Variants in MAP2K6 observed in about 807,000 individuals in gnomAD.
MAP2K6 encodes the protein mitogen-activated protein kinase kinase 6.
Under a neutral mutation model 53.7 loss-of-function variants are expected in MAP2K6, and 16 were observed. The ratio of observed to expected loss-of-function variants is 0.30; its 90% CI spans 0.20 to 0.45. The LOEUF is 0.45. Ranked by LOEUF, MAP2K6 falls within the 20% of genes least tolerant of loss-of-function variation. The pLI is 1.00. For missense variants in MAP2K6, 204 were observed against 411.9 expected, an observed-to-expected ratio of 0.50 and a Z score of 4.37; for synonymous variants, 132 against 143.1, an observed-to-expected ratio of 0.92 and a Z score of 0.55.
chr17:69,462,028 G>A (rs1308389311), intron 1 of MAP2K6, among the ~76,000 whole-genome samples: 1 of 152,192 alleles, frequency 6.6e-6, no homozygotes, highest in East Asian at 1.9e-4. Flanking sequence ...TGAAATTAGT[G>A]AGGTTTTAGT....
intron 1 of MAP2K6, among the ~76,000 whole-genome samples, chr17:69,456,016 A>G (rs1165365174): frequency 6.6e-6 from 1 of 151,936 alleles, no homozygotes. Context: ...GCGTGCCACA[A>G]CACCTGGCTA....
chr17:69,497,160 T>C (rs1401927288), intron 1 of MAP2K6, among the ~76,000 whole-genome samples: 1 of 152,202 alleles, frequency 6.6e-6, no homozygotes, highest in Non-Finnish European at 1.5e-5. Flanking sequence ...TTAAACTCTG[T>C]ACATAGGTAA....
intron 1 of MAP2K6, among the ~76,000 whole-genome samples, chr17:69,466,551 G>A (rs74895439): frequency 1.3e-5 from 2 of 152,134 alleles, no homozygotes; most frequent in East Asian, 1.9e-4. Flanking sequence ...TCAAGCCATC[G>A]GCACTGCATC....
chr17:69,486,225 A>G (rs1908531281), intron 1 of MAP2K6, among the ~76,000 whole-genome samples: 1 of 152,178 alleles, frequency 6.6e-6, no homozygotes, highest in Non-Finnish European at 1.5e-5. Context: ...TTCTGGCTAC[A>G]GGGCTGGATG....
chr17:69,553,604 T>G lies in MAP2K6; in HGVS notation c.*11851T>G, dbSNP rs1450075085. 6.6e-6 allele frequency: 1 copy of G among 152,260 alleles called. No homozygotes were observed. 9.4% of individuals were successfully genotyped at this position (152,260 alleles called of 1,614,324 possible). On this transcript the variant is annotated 3_prime_UTR_variant, in exon 12 of 12. Transcript: ENST00000590474. ...TGGTCTCCAGATGTGTGTATATGCG[T>G]GTAAAACTTCACACCGTGTGTGTTG...
At chr17:69,495,009 A>AAAAAACC (rs991911578) in intron 1 of MAP2K6, among the ~76,000 whole-genome samples, 2 of 151,952 alleles carry the variant, frequency 1.3e-5, no homozygotes, top group South Asian at 4.2e-4. Context: ...CTGTCTAGAA[A>AAAAAACC]AAAAACCAAA....
In MAP2K6 at chr17:69,494,498, TAA is replaced by T. The variant is rs112816191; in HGVS notation, c.17-11272_17-11271del. Among the ~76,000 whole-genome samples the T allele has an allele frequency of 7.0e-6, 1 of 143,098 alleles. No homozygotes were observed. The allele number at this position is 143,098 out of a possible 152,430, so 93.9% of individuals were successfully genotyped here. A position where few individuals can be genotyped will look rare whatever the true frequency, so the allele number is the denominator to read the frequency against. ...GGGTGACAAAGTGAGACTCTGTCTTTAAAAAAAAAAAGAAAGGAAAAAACAAA... is the reference window on the plus strand; with the variant it reads ...GGGTGACAAAGTGAGACTCTGTCTTTAAAAAAAAAGAAAGGAAAAAACAAA... On this transcript the variant is annotated intron_variant, in intron 1 of 11. Coordinates refer to ENST00000590474, the MANE Select transcript of MAP2K6 (RefSeq NM_002758.4). The surrounding 1 kb of genome is among the most constrained non-coding windows in gnomAD (Gnocchi z 4.2).
At chr17:69,514,646 C>T (rs1447293412) in intron 2 of MAP2K6, among the ~76,000 whole-genome samples, 2 of 152,118 alleles carry the variant, frequency 1.3e-5, no homozygotes, top group Non-Finnish European at 1.5e-5. Context: ...ACTTCAACCT[C>T]TGCCTCCTGG....
chr17:69,428,859 T>G (rs1263807989), intron 1 of MAP2K6, among the ~76,000 whole-genome samples: 2 of 88,076 alleles, frequency 2.3e-5, no homozygotes, highest in Non-Finnish European at 4.2e-5. Context: ...TCTGTTTTTG[T>G]TTTTGTTTTT....
chr17:69,449,498 CT>C (rs753176567), intron 1 of MAP2K6, among the ~76,000 whole-genome samples: 2 of 123,558 alleles, frequency 1.6e-5, no homozygotes, highest in African/African-American at 5.3e-5. Context: ...TCCTTTCTTT[CT>C]TTTTTCTTTC....
At chr17:69,518,427 A>G (rs1324991604) in intron 4 of MAP2K6, among the ~76,000 whole-genome samples, 1 of 152,220 alleles carries the variant, frequency 6.6e-6, no homozygotes, top group Non-Finnish European at 1.5e-5. Context: ...AGAAACCAGA[A>G]TTGGGAGAGA....
chr17:69,503,991 T>C (rs1424010281), intron 1 of MAP2K6, among the ~76,000 whole-genome samples: 1 of 152,138 alleles, frequency 6.6e-6, no homozygotes, highest in Non-Finnish European at 1.5e-5. Context: ...CTGCCCCCTC[T>C]CCAGTCATCT....
At chr17:69,534,871 A>G (rs948042288) in intron 10 of MAP2K6, among the ~76,000 whole-genome samples, 3 of 152,124 alleles carry the variant, frequency 2.0e-5, no homozygotes, top group African/African-American at 7.2e-5. Flanking sequence ...AGGAGTCTGT[A>G]GGTTGCCTTG....
chr17:69,532,546 C>T (rs971700324), intron 10 of MAP2K6, among the ~76,000 whole-genome samples: 3 of 152,184 alleles, frequency 2.0e-5, no homozygotes, highest in Non-Finnish European at 4.4e-5. Context: ...TTGCTTTGAA[C>T]TCCAAAGTTG....
rs72856068 is a variant in MAP2K6, at chr17:69,469,719, C to A, written c.17-36061C>A. Among the ~76,000 whole-genome samples, 331 of 152,122 alleles carry A rather than the reference C, an allele frequency of 2.2e-3. 3 individuals carry two copies. Among genetic ancestry groups the A allele is most frequent in the South Asian group, 3.9e-3 (19 of 4,818 alleles). ...CAGAGGTTACAGGGAATGGAGATCGCTCCACTGCACCCCAGCCTGGGGGCA... is the reference window on the plus strand; with the variant it reads ...CAGAGGTTACAGGGAATGGAGATCGATCCACTGCACCCCAGCCTGGGGGCA... On this transcript the variant is annotated intron_variant, in intron 1 of 11. Transcript: ENST00000590474.
intron 5 of MAP2K6, 73 bp downstream of exon 5, chr17:69,519,505 C>T: frequency 1.3e-6 from 2 of 1,570,656 alleles, no homozygotes; most frequent in Non-Finnish European, 8.7e-7. Flanking sequence ...CACGTAAATG[C>T]CTTCACAATC....
intron 1 of MAP2K6, 69 bp from the exon 2 acceptor site, chr17:69,505,711 C>G (rs753348779): frequency 3.2e-6 from 4 of 1,254,808 alleles, no homozygotes; most frequent in Admixed American, 3.4e-5. Context: ...TTTCCTTTGC[C>G]GCAGTCTCTT....
At chr17:69,482,514 T>A (rs1908382871) in intron 1 of MAP2K6, among the ~76,000 whole-genome samples, 1 of 149,498 alleles carries the variant, frequency 6.7e-6, no homozygotes, top group Non-Finnish European at 1.5e-5. Flanking sequence ...ATTTGTGTAT[T>A]TTTTTTTTTG....
chr17:69,465,235 C>G (rs1450639857), intron 1 of MAP2K6, among the ~76,000 whole-genome samples: 1 of 151,030 alleles, frequency 6.6e-6, no homozygotes, highest in Non-Finnish European at 1.5e-5. Context: ...TGTCAGTACC[C>G]TAGTTGGGTT....
Sources: gnomAD v4.1 joint callset for allele counts (sites outside exome capture counted in the v4.1 genomes callset) on GRCh38, gnomAD v4.1.1 for gene constraint, Gnocchi (gnomAD v3.1) non-coding constraint, MANE v1.5 for transcripts, NCBI Gene and HGNC (gene_info 2026-07-23, HGNC 2026-07-21) for gene names.